INPP1: variants seen among roughly 807,000 people sequenced by gnomAD.
The protein encoded by INPP1 is inositol polyphosphate 1-phosphatase.
Under a neutral mutation model 23.0 loss-of-function variants are expected in INPP1, and 18 were observed. The ratio of observed to expected loss-of-function variants is 0.78; its 90% confidence interval spans 0.54 to 1.16. The LOEUF is 1.16. Ranked by LOEUF, INPP1 falls within the 50% of genes most tolerant of loss-of-function variation. The pLI, the probability that INPP1 is intolerant of heterozygous loss-of-function variation, is 0.00. For missense variants in INPP1, 448 were observed against 482.1 expected (o/e 0.93, Z 0.66); for synonymous variants, 164 against 176.3 (o/e 0.93, Z 0.55).
At chr2:190,347,007 CTTT>C (rs1214998960) in intron 1 of INPP1, among the ~76,000 whole-genome samples, 1 of 116,032 alleles carries the variant, frequency 8.6e-6, no homozygotes, top group Non-Finnish European at 1.8e-5. Flanking sequence ...TTATTAGTAG[CTTT>C]TTTTTTTTTT....
At chr2:190,366,389 C>T (rs571364664) in intron 4 of INPP1, among the ~76,000 whole-genome samples, 2 of 150,030 alleles carry the variant, frequency 1.3e-5, no homozygotes, top group East Asian at 4.0e-4. Flanking sequence ...CTCTTTCACT[C>T]TCCCTGTCTG....
chr2:190,355,408 C>T lies in INPP1; in HGVS notation c.-64-4631C>T, dbSNP rs1689403242. On this transcript the variant is annotated intron_variant, in intron 2 of 6. Transcript: ENST00000392329. The surrounding 1 kb of genome is among the most constrained non-coding windows in gnomAD (Gnocchi z 5.1). ...ACCTGCCAGCAGGTGCCAGCTGCCA[C>T]TAAAATTGCCAGCATAGAGGTAAAG... 6.6e-6 allele frequency among the ~76,000 whole-genome samples: 1 copy of T among 152,290 alleles called. No homozygotes were observed. The highest frequency in any genetic ancestry group is 1.5e-5 in the Non-Finnish European group (1 of 68,006).
intron 4 of INPP1, among the ~76,000 whole-genome samples, chr2:190,366,424 ACT>A (rs1689673570): frequency 1.1e-5 from 1 of 93,706 alleles, no homozygotes; most frequent in African/African-American, 4.6e-5. Context: ...ACTCTGTCTC[ACT>A]CTGTCTCACT....
At chr2:190,369,061 T>C in intron 5 of INPP1, 42 bp from the exon 6 acceptor site, 2 of 1,297,858 alleles carry the variant, frequency 1.5e-6, no homozygotes, top group East Asian at 4.8e-5. Flanking sequence ...GTCTTCTAAA[T>C]GATCTTTACC....
chr2:190,369,119 T>C lies in INPP1; in HGVS notation c.483T>C (p.Tyr161=), dbSNP rs1352057642. Reference sequence around the variant, plus strand: ...CTTTTTCAGATTCAACTTATCAGTATATAAAAGGTTCTGCTGACATTAAAT... The same window carrying C: ...CTTTTTCAGATTCAACTTATCAGTACATAAAAGGTTCTGCTGACATTAAAT... ...WVDPIDSTYQ[Y]IKGSADIKSN... is the part of the protein sequence containing the mutation. Residue 161 remains tyrosine (Y), a synonymous_variant, in exon 6 of 7, where the codon TAT becomes TAC. Coordinates refer to ENST00000392329, the MANE Select transcript of INPP1 (RefSeq NM_001128928.2). 1 of 1,594,744 alleles carries C rather than the reference T, an allele frequency of 6.3e-7. No homozygotes were observed. The highest frequency in any genetic ancestry group is 8.6e-7 in the Non-Finnish European group (1 of 1,167,354).
At chr2:190,347,150 T>A (rs1689234130) in intron 1 of INPP1, among the ~76,000 whole-genome samples, 1 of 151,798 alleles carries the variant, frequency 6.6e-6, no homozygotes, top group Non-Finnish European at 1.5e-5. Context: ...TAGCTGGGAT[T>A]ACAGGTGCCC....
chr2:190,360,410 G>C (rs183799185), intron 3 of INPP1, 104 bp downstream of exon 3: 61 of 844,506 alleles, frequency 7.2e-5, no homozygotes, highest in Admixed American at 3.4e-4. Flanking sequence ...CAGTATACTA[G>C]CACCTTGATT....
chr2:190,356,432 T>G lies in INPP1; in HGVS notation c.-64-3607T>G, dbSNP rs1022190173. The G allele has an allele frequency of 3.9e-5, 6 of 152,232 alleles. No individual in the cohort carries two copies. The highest frequency in any genetic ancestry group is 1.4e-4 in the African/African-American group (6 of 41,440). The allele number at this position is 152,232 out of a possible 1,614,324, so 9.4% of individuals were successfully genotyped here. A position where few individuals can be genotyped will look rare whatever the true frequency, so the allele number is the denominator to read the frequency against. ...TTCTTTCCCATTGGTCAAGTTGCTG[T>G]GCTCGCTAAGCAGCAACTGCTCAGG... On this transcript the variant is annotated intron_variant, in intron 2 of 6. Transcript: ENST00000392329. The surrounding 1 kb of genome is among the most constrained non-coding windows in gnomAD (Gnocchi z 6.4).
intron 4 of INPP1, among the ~76,000 whole-genome samples, chr2:190,364,040 A>G (rs1436272294): frequency 1.3e-5 from 2 of 152,228 alleles, no homozygotes; most frequent in Non-Finnish European, 2.9e-5. Flanking sequence ...TGATCCCATA[A>G]GTTTTACTGA....
chr2:190,357,518 TA>T (rs1284671646), intron 2 of INPP1, among the ~76,000 whole-genome samples: 1 of 152,216 alleles, frequency 6.6e-6, no homozygotes, highest in Non-Finnish European at 1.5e-5. Context: ...CACTTAACAT[TA>T]GTGCATTGAC....
rs1689580996 is a variant in INPP1, at chr2:190,363,782, G to A, written c.265+1095G>A. Among the ~76,000 whole-genome samples, 1 of 152,152 alleles carries A rather than the reference G, an allele frequency of 6.6e-6. No individual in the cohort carries two copies. The highest frequency in any genetic ancestry group is 1.5e-5 in the Non-Finnish European group (1 of 68,030). On this transcript the variant is annotated intron_variant, in intron 4 of 6. Coordinates refer to ENST00000392329, the MANE Select transcript of INPP1 (RefSeq NM_001128928.2). The surrounding 1 kb of genome is among the most constrained non-coding windows in gnomAD (Gnocchi z 4.4). Reference sequence around the variant, plus strand: ...ATCTTACATTTAAAAATCTACGCTTGACTACTTCACAAACAGCTATTTTAA... The same window carrying A: ...ATCTTACATTTAAAAATCTACGCTTAACTACTTCACAAACAGCTATTTTAA...
chr2:190,352,901 A>T lies in INPP1; in HGVS notation c.-65+3870A>T, dbSNP rs1291135263. ...GCAATAGCTGTCAGGCAGGCCCACC[A>T]CGCAATAGCTTCAAATTGCCATTCC... On this transcript the variant is annotated intron_variant, in intron 2 of 6. Coordinates refer to ENST00000392329, the MANE Select transcript of INPP1 (RefSeq NM_001128928.2). This position sits in a 1 kb window ranked among gnomAD's most constrained non-coding sequence, Gnocchi z 4.7. Among the ~76,000 whole-genome samples the T allele has an allele frequency of 6.6e-6, 1 of 152,212 alleles. No homozygotes were observed. Among genetic ancestry groups the T allele is most frequent in the East Asian group, 1.9e-4 (1 of 5,194 alleles).
intron 3 of INPP1, among the ~76,000 whole-genome samples, chr2:190,362,310 G>T (rs565970593): frequency 6.6e-6 from 1 of 152,112 alleles, no homozygotes; most frequent in Non-Finnish European, 1.5e-5. Context: ...GCAAATATTC[G>T]AATTCTATGG....
In INPP1 at chr2:190,352,114, C is replaced by G. The variant is rs1270668647; in HGVS notation, c.-65+3083C>G. On this transcript the variant is annotated intron_variant, in intron 2 of 6. Coordinates refer to ENST00000392329, the MANE Select transcript of INPP1 (RefSeq NM_001128928.2). This position sits in a 1 kb window ranked among gnomAD's most constrained non-coding sequence, Gnocchi z 4.7. ...TTGGATATCCTCCTGTATGAAGTGC[C>G]TATTCAAGCTTCTTGCCCTTGAACT... Among the ~76,000 whole-genome samples the G allele has an allele frequency of 6.6e-6, 1 of 152,168 alleles. No individual in the cohort carries two copies. Among genetic ancestry groups the G allele is most frequent in the East Asian group, 1.9e-4 (1 of 5,204 alleles).
At chr2:190,364,570 G>A (rs1220352468) in intron 4 of INPP1, among the ~76,000 whole-genome samples, 2 of 146,978 alleles carry the variant, frequency 1.4e-5, no homozygotes, top group Non-Finnish European at 3.0e-5. Flanking sequence ...AGTAGGTCTG[G>A]GGTGGCATCT....
chr2:190,371,206 A>C lies in INPP1; in HGVS notation c.1004A>C (p.Lys335Thr). ...RAMGGGIVDL[K>T]ECLERNPETG... ...ATGGGTGGGGGAATAGTAGACTTGAAAGAATGCTTAGAAAGAAATCCAGAA... is the reference window on the plus strand; with the variant it reads ...ATGGGTGGGGGAATAGTAGACTTGACAGAATGCTTAGAAAGAAATCCAGAA... Residue 335 changes from lysine (K) to threonine (T), a missense_variant, in exon 7 of 7, where the codon AAA becomes ACA. Lys to Thr is a moderately conservative substitution (Grantham distance 78). Transcript: ENST00000392329. This position sits in a 1 kb window ranked among gnomAD's most constrained non-coding sequence, Gnocchi z 5.3. 1 of 1,613,660 alleles carries C rather than the reference A, an allele frequency of 6.2e-7. No individual in the cohort carries two copies. The highest frequency in any genetic ancestry group is 8.5e-7 in the Non-Finnish European group (1 of 1,179,620).
At chr2:190,362,817 G>A (rs532547506) in intron 4 of INPP1, 130 bp downstream of exon 4, 3 of 505,868 alleles carry the variant, frequency 5.9e-6, no homozygotes, top group East Asian at 6.7e-5. Flanking sequence ...TGAATGTTAA[G>A]GTTCATTCAA....
chr2:190,362,484 T>C, intron 3 of INPP1, 143 bp from the exon 4 acceptor site: 1 of 509,450 alleles, frequency 2.0e-6, no homozygotes, highest in Admixed American at 4.0e-5. Context: ...TTTTTATACT[T>C]GGATTGGTTT....
chr2:190,347,021 T>TC, intron 1 of INPP1, among the ~76,000 whole-genome samples: 1 of 147,572 alleles, frequency 6.8e-6, no homozygotes, highest in East Asian at 1.9e-4. Context: ...TTTTTTTTTT[T>TC]TTTTTTTTGA....
Sources: gnomAD v4.1 joint callset for allele counts (sites outside exome capture counted in the v4.1 genomes callset) on GRCh38, gnomAD v4.1.1 for gene constraint, Gnocchi (gnomAD v3.1) non-coding constraint, MANE v1.5 for transcripts, NCBI Gene and HGNC (gene_info 2026-07-23, HGNC 2026-07-21) for gene names.